The following RC3H1 variants were observed in gnomAD, a reference collection of about 807,000 sequenced individuals.
The protein encoded by RC3H1 is ring finger and CCCH-type domains 1, also known as roquin-1.
RC3H1 carries 50 observed loss-of-function variants against 138.2 expected under a neutral mutation model. The ratio of observed to expected loss-of-function variants is 0.36; its 90% CI spans 0.29 to 0.46. The LOEUF is 0.46. Among genes scored for constraint, RC3H1 ranks in the 20% least tolerant of loss-of-function variants. The pLI is 1.00. For synonymous variants in RC3H1, 462 were observed against 489.1 expected (o/e 0.94, Z 0.73); for missense variants, 1,031 against 1,388.1 (o/e 0.74, Z 4.09).
chr1:173,947,285 C>CACT, intron 15 of RC3H1, 84 bp downstream of exon 15: 1 of 913,070 alleles, frequency 1.1e-6, no homozygotes, highest in Non-Finnish European at 1.8e-6. Context: ...TTACTAAAAA[C>CACT]ACTGATAGTA....
In RC3H1 at chr1:173,964,828, A is replaced by T. The variant is rs1660035392; in HGVS notation, c.1616+11T>A. On this transcript the variant is annotated intron_variant, in intron 10 of 19. Coordinates refer to ENST00000367696, the MANE Select transcript of RC3H1 (RefSeq NM_172071.4). ...AGAAATTTTGAAATAAGAGTTAGAA[A>T]AATGACGTACAGGTCAGGAGGGGAT... 1 of 1,597,002 alleles carries T rather than the reference A, an allele frequency of 6.3e-7. No homozygotes were observed. Among genetic ancestry groups the T allele is most frequent in the African/African-American group, 1.3e-5 (1 of 74,382 alleles).
At chr1:174,011,091 C>A (rs151118040) in intron 1 of RC3H1, among the ~76,000 whole-genome samples, 25 of 152,228 alleles carry the variant, frequency 1.6e-4, no homozygotes, top group African/African-American at 4.6e-4. Flanking sequence ...ATTTTCTATT[C>A]TAAGAATTTT....
rs766258674 is a variant in RC3H1 at position 173,964,071 on chromosome 1, G to A, written c.1733C>T (p.Pro578Leu). 6.2e-7 allele frequency: 1 copy of A among 1,614,100 alleles called. No homozygotes were observed. Among genetic ancestry groups the A allele is most frequent in the East Asian group, 2.2e-5 (1 of 44,878 alleles). The change falls in exon 11 of 20, where the codon CCT (proline) becomes CTT (leucine). Residue 578 changes from proline to leucine, a missense_variant. Transcript: ENST00000367696. ...TGCTGGATATAACTGAGAACCTCGA[G>A]GTACCATCTGAAGTGGTTTGGTAAC... ...MPVTKPLQMV[P>L]RGSQLYPAQQ...
Position 173,964,890 on chromosome 1 carries a change from G to C in RC3H1, c.1565C>G (p.Pro522Arg). The change falls in exon 10 of 20, where the codon CCA (proline) becomes CGA (arginine). Residue 522 changes from proline to arginine, a missense_variant. Physicochemically the swap from Pro to Arg is moderately radical, Grantham distance 103 (BLOSUM62 -2). This residue lies in a region of RC3H1 where 716 missense variants were observed against 837.9 expected (regional missense o/e 0.85). Coordinates refer to ENST00000367696, the MANE Select transcript of RC3H1 (RefSeq NM_172071.4). ...ACTGCTCAGATGATCTATTTTTCCT[G>C]GTTTCAGACTAGAATCATAGCTGGG... ...TDPSYDSSLK[P>R]GKIDHLSSSA... 6.2e-7 allele frequency: 1 copy of C among 1,614,116 alleles called. No individual in the cohort carries two copies. Among genetic ancestry groups the C allele is most frequent in the Admixed American group, 1.7e-5 (1 of 60,010 alleles).
chr1:174,003,490 A>T (rs1303940999), intron 1 of RC3H1, among the ~76,000 whole-genome samples: 2 of 151,832 alleles, frequency 1.3e-5, no homozygotes, highest in Non-Finnish European at 2.9e-5. Context: ...ATCGCCATGT[A>T]CATATTATTT....
intron 11 of RC3H1, 25 bp downstream of exon 11, chr1:173,963,948 A>G (rs1443054655): frequency 6.3e-7 from 1 of 1,589,610 alleles, no homozygotes; most frequent in African/African-American, 1.3e-5. Flanking sequence ...AAGAAAAGTT[A>G]GCAATATAAA....
intron 1 of RC3H1, among the ~76,000 whole-genome samples, chr1:174,003,428 G>A (rs1231989699): frequency 5.6e-5 from 8 of 142,830 alleles, no homozygotes; most frequent in Non-Finnish European, 1.1e-4. Flanking sequence ...CACGTACGGG[G>A]AATCATCCTT....
At chr1:174,020,782 G>A (rs1021223633) in intron 1 of RC3H1, among the ~76,000 whole-genome samples, 3 of 152,214 alleles carry the variant, frequency 2.0e-5, no homozygotes, top group African/African-American at 7.2e-5. Context: ...GCGGAGGAGG[G>A]CAGATGACTT....
chr1:173,964,945 C>G lies in RC3H1; in HGVS notation c.1510G>C (p.Val504Leu). Residue 504 changes from valine to leucine, a missense_variant, in exon 10 of 20, where the codon GTA becomes CTA. Val to Leu is a conservative substitution (Grantham distance 32, BLOSUM62 1). This residue lies in a region of RC3H1 where 716 missense variants were observed against 837.9 expected (regional missense o/e 0.85). Transcript: ENST00000367696. ...GTCCCTCGCGGAATAAGCTGTGTTA[C>G]TGTATTCCCTGTTGATACAATTCCA... is the stretch of plus-strand genomic sequence containing the variant. The part of the protein sequence containing the change: ...PNGIVSTGNT[V>L]TQLIPRGTDP... 1 of 1,614,074 alleles carries G rather than the reference C, an allele frequency of 6.2e-7. No homozygotes were observed. Among genetic ancestry groups the G allele is most frequent in the South Asian group, 1.1e-5 (1 of 91,080 alleles).
intron 13 of RC3H1, among the ~76,000 whole-genome samples, chr1:173,957,924 C>T (rs900559751): frequency 6.6e-6 from 1 of 152,134 alleles, no homozygotes; most frequent in African/African-American, 2.4e-5. Flanking sequence ...TAATAACCTA[C>T]ATTTTTGTGG....
intron 9 of RC3H1, among the ~76,000 whole-genome samples, chr1:173,968,921 C>T (rs1311350912): frequency 7.0e-6 from 1 of 141,854 alleles, no homozygotes; most frequent in Non-Finnish European, 1.5e-5. Context: ...TGCTACGGTG[C>T]AATCTCGGCT....
chr1:173,969,135 G>A (rs115976177), intron 9 of RC3H1, among the ~76,000 whole-genome samples: 1,829 of 151,840 alleles, frequency 0.012, 44 homozygotes, highest in African/African-American at 0.042. Flanking sequence ...GGGAGCCACC[G>A]GCGCCTGGCT....
chr1:173,967,524 A>G (rs1273187672), intron 9 of RC3H1, among the ~76,000 whole-genome samples: 1 of 152,248 alleles, frequency 6.6e-6, no homozygotes, highest in Non-Finnish European at 1.5e-5. Flanking sequence ...TGGTCTTGTT[A>G]ATTTGGTAGT....
chr1:173,943,247 AG>A (rs1658984150), intron 18 of RC3H1, among the ~76,000 whole-genome samples, 194 bp downstream of exon 18: 1 of 152,214 alleles, frequency 6.6e-6, no homozygotes, highest in Non-Finnish European at 1.5e-5. Flanking sequence ...TATAAGACAA[AG>A]AACACACCCA....
At chr1:173,940,174 T>A (rs1464730610) in intron 19 of RC3H1, among the ~76,000 whole-genome samples, 1 of 151,996 alleles carries the variant, frequency 6.6e-6, no homozygotes, top group Non-Finnish European at 1.5e-5. Flanking sequence ...CCACACACTT[T>A]AAAAAGACTG....
intron 1 of RC3H1, among the ~76,000 whole-genome samples, chr1:174,021,553 A>T (rs1396470547): frequency 1.3e-5 from 2 of 151,928 alleles, no homozygotes; most frequent in Non-Finnish European, 1.5e-5. Flanking sequence ...GGAGAAGACT[A>T]CCAGGCTAGA....
intron 14 of RC3H1, among the ~76,000 whole-genome samples, chr1:173,949,810 G>C (rs1659307512): frequency 6.6e-6 from 1 of 152,146 alleles, no homozygotes; most frequent in African/African-American, 2.4e-5. Context: ...AATAATCATT[G>C]TATGGTATCA....
Position 173,961,197 on chromosome 1 carries a change from A to G in RC3H1, c.2250T>C (p.Ser750=). ...TTCGTCGGCGATGTAGTTCATCTAGACTAGGATGAGGCTGGGGAGGAGGAG... is the reference window on the plus strand; with the variant it reads ...TTCGTCGGCGATGTAGTTCATCTAGGCTAGGATGAGGCTGGGGAGGAGGAG... The part of the protein sequence containing the change: ...RLPPPPQPHP[S]LDELHRRRKE... The change falls in exon 13 of 20, where the codon AGT becomes AGC. Residue 750 remains serine, a synonymous_variant. Transcript: ENST00000367696. 1 of 1,614,080 alleles carries G rather than the reference A, an allele frequency of 6.2e-7. No individual in the cohort carries two copies. Among genetic ancestry groups the G allele is most frequent in the Non-Finnish European group, 8.5e-7 (1 of 1,179,964 alleles).
At chr1:174,012,277 G>A (rs763542720) in intron 1 of RC3H1, among the ~76,000 whole-genome samples, 2 of 151,752 alleles carry the variant, frequency 1.3e-5, no homozygotes, top group Non-Finnish European at 2.9e-5. Flanking sequence ...TTTTTGCATC[G>A]AGAGAATCAG....
Sources: gnomAD v4.1 joint callset for allele counts (sites outside exome capture counted in the v4.1 genomes callset) on GRCh38, gnomAD v4.1.1 for gene constraint, gnomAD v4.1.1 regional missense constraint, MANE v1.5 for transcripts, NCBI Gene and HGNC (gene_info 2026-07-23, HGNC 2026-07-21) for gene names.